The following MCF2L variants were observed in gnomAD, a reference collection of about 807,000 sequenced individuals.
MCF2L encodes MCF.2 cell line derived transforming sequence like, also known as guanine nucleotide exchange factor DBS.
MCF2L carries 97 observed loss-of-function variants against 153.4 expected under a neutral mutation model. The observed-to-expected ratio is 0.63, with a 90% CI of 0.54 to 0.75. The LOEUF (loss-of-function observed/expected upper bound fraction) is 0.75. Among genes scored for constraint, MCF2L ranks in the 30% least tolerant of loss-of-function variants. The probability of loss-of-function intolerance (pLI) is 0.00; values close to 1 mark genes in which losing one functional copy is unlikely to be tolerated. For missense variants in MCF2L, 1,347 were observed against 1,495.2 expected (o/e 0.90, Z 1.64); for synonymous variants, 659 against 632.2 (o/e 1.04, Z -0.64).
At chr13:113,018,031 CTG>C (rs1412294371) in intron 2 of MCF2L, among the ~76,000 whole-genome samples, 1 of 152,252 alleles carries the variant, frequency 6.6e-6, no homozygotes, top group Non-Finnish European at 1.5e-5. Context: ...ATGGCTGCCA[CTG>C]TGACATGTGC....
chr13:113,066,230 G>T, intron 8 of MCF2L, 60 bp downstream of exon 8: 1 of 1,505,644 alleles, frequency 6.6e-7, no homozygotes, highest in African/African-American at 1.4e-5. Flanking sequence ...GATCCTCTCA[G>T]GCACACAGCT....
At chr13:112,930,757 T>C (rs561876730) in intron 2 of MCF2L, among the ~76,000 whole-genome samples, 1 of 152,234 alleles carries the variant, frequency 6.6e-6, no homozygotes, top group Non-Finnish European at 1.5e-5. Context: ...GCCAACATGG[T>C]GAAGCCCCAT....
chr13:113,033,325 G>T (rs1331366862), intron 3 of MCF2L, among the ~76,000 whole-genome samples: 1 of 109,896 alleles, frequency 9.1e-6, no homozygotes, highest in Non-Finnish European at 1.8e-5. Context: ...CCCCTGTGGC[G>T]TGAGTGGCCC....
At chr13:112,990,976 T>C (rs191334432) in intron 1 of MCF2L, among the ~76,000 whole-genome samples, 15 of 152,302 alleles carry the variant, frequency 9.8e-5, no homozygotes, top group African/African-American at 3.4e-4. Context: ...GTAAACTAGG[T>C]GTTTGCTGGT....
At chr13:112,996,758 C>G (rs1430477108) in intron 1 of MCF2L, among the ~76,000 whole-genome samples, 1 of 152,314 alleles carries the variant, frequency 6.6e-6, no homozygotes, top group East Asian at 1.9e-4. Context: ...TGGGTGGAGA[C>G]CTGGTGCCGC....
intron 1 of MCF2L, among the ~76,000 whole-genome samples, chr13:112,987,311 C>CATGCAGCCCCTGGTGGGGGGCAGGG (rs11268184): frequency 2.0e-5 from 3 of 151,716 alleles, no homozygotes; most frequent in Non-Finnish European, 4.4e-5. Context: ...GCCTGGAGCA[C>CATGCAGCCCCTGGTGGGGGGCAGGG]ACCTTGTGGA....
intron 1 of MCF2L, among the ~76,000 whole-genome samples, chr13:112,988,959 C>T (rs1441175245): frequency 7.3e-6 from 1 of 137,448 alleles, no homozygotes; most frequent in African/African-American, 3.0e-5. Flanking sequence ...AGCTATCACG[C>T]CTGAGTCCTC....
At chr13:112,926,162 G>C (rs143185158) in intron 2 of MCF2L, among the ~76,000 whole-genome samples, 2 of 152,180 alleles carry the variant, frequency 1.3e-5, no homozygotes, top group Non-Finnish European at 2.9e-5. Context: ...AGTGCGGTAC[G>C]GCCTGCTCTA....
chr13:113,034,365 G>C (rs1323956320), intron 3 of MCF2L, among the ~76,000 whole-genome samples: 2 of 152,104 alleles, frequency 1.3e-5, no homozygotes, highest in African/African-American at 4.8e-5. Flanking sequence ...TTGAACTCCT[G>C]GGCTCAAATG....
At chr13:112,962,479 G>A (rs1475479656) in intron 2 of MCF2L, among the ~76,000 whole-genome samples, 1 of 152,162 alleles carries the variant, frequency 6.6e-6, no homozygotes, top group African/African-American at 2.4e-5. Context: ...CATGGGGGTG[G>A]GCCTCACTTC....
chr13:113,090,270 T>TGG, intron 26 of MCF2L: 2 of 1,333,506 alleles, frequency 1.5e-6, no homozygotes, highest in East Asian at 8.2e-5. Context: ...GCAAAAGCGT[T>TGG]TCTTTCCACC....
chr13:113,044,508 G>T, intron 3 of MCF2L: 1 of 869,520 alleles, frequency 1.2e-6, no homozygotes, highest in Non-Finnish European at 1.8e-6. Flanking sequence ...GGAAGTTAGC[G>T]ATTCTAGCCC....
intron 2 of MCF2L, among the ~76,000 whole-genome samples, chr13:113,017,944 C>T (rs928090972): frequency 6.6e-6 from 1 of 152,236 alleles, no homozygotes; most frequent in Non-Finnish European, 1.5e-5. Flanking sequence ...GAGGAGACTG[C>T]GTTTCTTTCC....
intron 5 of MCF2L, among the ~76,000 whole-genome samples, chr13:113,061,500 G>A (rs2031400403): frequency 6.6e-6 from 1 of 152,110 alleles, no homozygotes; most frequent in Non-Finnish European, 1.5e-5. Context: ...AGATGCTACT[G>A]GAAACCAGGC....
chr13:112,918,279 C>G (rs1382516082), intron 2 of MCF2L, among the ~76,000 whole-genome samples: 1 of 152,226 alleles, frequency 6.6e-6, no homozygotes, highest in Non-Finnish European at 1.5e-5. Context: ...AGAACTGTTA[C>G]TACCCTAACA....
chr13:113,086,879 A>C (rs1021928904), intron 21 of MCF2L, among the ~76,000 whole-genome samples: 3 of 152,176 alleles, frequency 2.0e-5, no homozygotes, highest in Non-Finnish European at 4.4e-5. Flanking sequence ...ACACATGGTG[A>C]ACTAGCGCTG....
intron 3 of MCF2L, among the ~76,000 whole-genome samples, chr13:113,033,251 ACATTAGTGGACCCCGTGG>A (rs796093098): frequency 0.073 from 4,969 of 68,244 alleles, 407 homozygotes; most frequent in Non-Finnish European, 0.094. Flanking sequence ...GGCCCCCGTG[ACATTAGTGGACCCCGTGG>A]CGTGAGTGGC....
At chr13:113,088,828 C>T (rs9549669) in intron 25 of MCF2L, among the ~76,000 whole-genome samples, 200 bp downstream of exon 25, 23,769 of 152,224 alleles carry the variant, frequency 0.16, 2,071 homozygotes, top group Middle Eastern at 0.26. Context: ...ATGCCCAGTC[C>T]CTCTCCAGCT....
At chr13:112,919,609 TAGAA>T (rs1464845007) in intron 2 of MCF2L, among the ~76,000 whole-genome samples, 1 of 152,076 alleles carries the variant, frequency 6.6e-6, no homozygotes, top group Non-Finnish European at 1.5e-5. Context: ...CTTGAGAAAA[TAGAA>T]AGCACATAAA....
Sources: allele counts gnomAD v4.1 joint callset (sites outside exome capture counted in the v4.1 genomes callset), GRCh38; gene constraint gnomAD v4.1.1; transcripts MANE v1.5; gene names NCBI Gene and HGNC (gene_info 2026-07-23, HGNC 2026-07-21).